LIPI: variants seen among roughly 807,000 people sequenced by gnomAD.
The protein encoded by LIPI is lipase I.
LIPI carries 59 observed loss-of-function variants against 50.6 expected under a neutral mutation model. The ratio of observed to expected loss-of-function variants is 1.16; its 90% CI spans 0.94 to 1.45. LIPI has a LOEUF of 1.45. Among genes scored for constraint, LIPI ranks in the 40% most tolerant of loss-of-function variants. The pLI is 0.00. For synonymous variants in LIPI, 203 were observed against 178.2 expected, an observed-to-expected ratio of 1.14 and a Z score of -1.11; for missense variants, 586 against 536.3, an observed-to-expected ratio of 1.09 and a Z score of -0.92.
chr21:14,163,648 A>G (rs1568860060), intron 6 of LIPI, 125 bp from the exon 7 acceptor site: 1 of 644,154 alleles, frequency 1.6e-6, no homozygotes, highest in African/African-American at 1.8e-5. Flanking sequence ...GATTTTGATA[A>G]CTTAAAAAGC....
At position 14,152,592 on chromosome 21, in the gene LIPI, C is replaced by T; in HGVS notation, c.1099G>A (p.Glu367Lys). ...ACTTACTCATAAAGCCTTGGCTCTTCAATCATTCCAAGCTGATTTAATAAT... is the reference window on the plus strand; with the variant it reads ...ACTTACTCATAAAGCCTTGGCTCTTTAATCATTCCAAGCTGATTTAATAAT... ...FKLLNQLGMI[E>K]EPRLYEKNKP... Residue 367 changes from glutamate (E) to lysine (K), a missense_variant, in exon 8 of 10, where the codon GAA becomes AAA. Glu to Lys is a moderately conservative substitution (Grantham distance 56). Coordinates refer to ENST00000681601, the MANE Select transcript of LIPI (RefSeq NM_001302998.2). 6.4e-7 allele frequency: 1 copy of T among 1,571,236 alleles called. No individual in the cohort carries two copies. The highest frequency in any genetic ancestry group is 1.1e-5 in the South Asian group (1 of 89,322).
At chr21:14,125,323 T>C in intron 9 of LIPI, among the ~76,000 whole-genome samples, 1 of 152,328 alleles carries the variant, frequency 6.6e-6, no homozygotes, top group South Asian at 2.1e-4. Context: ...TCTCATCTTC[T>C]ATGTGAAGTG....
At chr21:14,151,497 C>T (rs371714821) in intron 8 of LIPI, among the ~76,000 whole-genome samples, 2 of 152,168 alleles carry the variant, frequency 1.3e-5, no homozygotes, top group East Asian at 1.9e-4. Flanking sequence ...CCAGTCAAAA[C>T]TTAAGCCAAA....
At chr21:14,166,338 C>G (rs758764087) in intron 5 of LIPI, 24 bp downstream of exon 5, 2 of 1,211,102 alleles carry the variant, frequency 1.7e-6, no homozygotes, top group South Asian at 2.4e-5. Flanking sequence ...TTATGTAGTT[C>G]ATTCAAAAAT....
At chr21:14,208,278 G>A (rs1007335650) in intron 1 of LIPI, among the ~76,000 whole-genome samples, 10 of 152,292 alleles carry the variant, frequency 6.6e-5, no homozygotes, top group Non-Finnish European at 1.2e-4. Context: ...TCACCTGAGT[G>A]CTTAGTAGAA....
At chr21:14,137,788 C>T (rs112751615) in intron 9 of LIPI, among the ~76,000 whole-genome samples, 14 of 151,966 alleles carry the variant, frequency 9.2e-5, no homozygotes, top group African/African-American at 2.4e-4. Context: ...CAGATTTAAC[C>T]GAAAGACTAC....
At chr21:14,131,501 C>G (rs1026544873) in intron 9 of LIPI, among the ~76,000 whole-genome samples, 1 of 152,114 alleles carries the variant, frequency 6.6e-6, no homozygotes, top group African/African-American at 2.4e-5. Context: ...ATCACAGGCA[C>G]CCAAAATCAA....
intron 7 of LIPI, among the ~76,000 whole-genome samples, chr21:14,159,801 C>G (rs760345310): frequency 6.6e-5 from 10 of 151,282 alleles, no homozygotes; most frequent in Admixed American, 2.0e-4. Context: ...TCCCAGGAAA[C>G]AAATTCAACA....
At chr21:14,154,990 GC>G (rs2018225446) in intron 7 of LIPI, among the ~76,000 whole-genome samples, 1 of 151,938 alleles carries the variant, frequency 6.6e-6, no homozygotes, top group Non-Finnish European at 1.5e-5. Flanking sequence ...TAAATTAGAT[GC>G]TGAGATTATC....
At chr21:14,135,255 G>C (rs183601399) in intron 9 of LIPI, among the ~76,000 whole-genome samples, 116 of 152,280 alleles carry the variant, frequency 7.6e-4, no homozygotes, top group African/African-American at 2.5e-3. Flanking sequence ...GGCAGGGCAA[G>C]ATGGTGGAAT....
In LIPI at chr21:14,206,762, C is replaced by T. The variant is rs977987750; in HGVS notation, c.46+4038G>A. 3.7e-6 allele frequency: 4 copies of T among 1,075,078 alleles called. No homozygotes were observed. In the African/African-American group the frequency reaches 4.7e-5, roughly 13 times the overall value. 66.6% of individuals were successfully genotyped at this position (1,075,078 alleles called of 1,614,324 possible). A position where few individuals can be genotyped will look rare whatever the true frequency, so the allele number is the denominator to read the frequency against. On this transcript the variant is annotated intron_variant, in intron 1 of 9. Coordinates refer to ENST00000681601, the MANE Select transcript of LIPI (RefSeq NM_001302998.2). ...GCAAGCCCAGTGTTGTTTTATATTT[C>T]CTCTTCTTTTCTTCATTTTATATAT...
intron 9 of LIPI, among the ~76,000 whole-genome samples, chr21:14,142,605 CCTT>C (rs1424321998): frequency 6.6e-6 from 1 of 151,332 alleles, no homozygotes; most frequent in Non-Finnish European, 1.5e-5. Context: ...ACCTCAGCCT[CCTT>C]AGCAGCTGGG....
intron 7 of LIPI, among the ~76,000 whole-genome samples, chr21:14,158,143 A>C (rs2018335865): frequency 6.6e-6 from 1 of 151,812 alleles, no homozygotes; most frequent in African/African-American, 2.4e-5. Context: ...ATACCCAAAA[A>C]AGCAGAATAC....
At position 14,156,367 on chromosome 21, in the gene LIPI, G is replaced by T. The variant is rs539004638; in HGVS notation, c.1007-3683C>A. ...GAAACAGAGATGTCGTGCAGAAAAA[G>T]GGTCAAAATGATATAATATGAAGAC... On this transcript the variant is annotated intron_variant, in intron 7 of 9. Coordinates refer to ENST00000681601, the MANE Select transcript of LIPI (RefSeq NM_001302998.2). 4.0e-5 allele frequency among the ~76,000 whole-genome samples: 6 copies of T among 151,862 alleles called. No homozygotes were observed. In the South Asian group the frequency reaches 1.2e-3, roughly 32 times the overall value.
intron 2 of LIPI, among the ~76,000 whole-genome samples, chr21:14,187,925 C>T (rs1270835173): frequency 6.6e-6 from 1 of 152,112 alleles, no homozygotes; most frequent in East Asian, 1.9e-4. Flanking sequence ...AAAAGATGGA[C>T]ATACAGTTTG....
chr21:14,204,857 T>G (rs1228972277), intron 1 of LIPI, among the ~76,000 whole-genome samples: 4 of 151,880 alleles, frequency 2.6e-5, no homozygotes, highest in Admixed American at 2.0e-4. Context: ...AGAATAATTT[T>G]TCAGCATAAA....
chr21:14,136,979 A>C (rs1276939441), intron 9 of LIPI, among the ~76,000 whole-genome samples: 1 of 152,112 alleles, frequency 6.6e-6, no homozygotes, highest in East Asian at 1.9e-4. Flanking sequence ...TCAAGGTGGT[A>C]CCTCTATGAG....
intron 9 of LIPI, among the ~76,000 whole-genome samples, chr21:14,141,381 T>C (rs2017700475): frequency 3.6e-5 from 2 of 56,074 alleles, no homozygotes; most frequent in South Asian, 4.9e-4. Context: ...CAAATAACTT[T>C]AGTTGTTTTT....
intron 9 of LIPI, among the ~76,000 whole-genome samples, chr21:14,110,758 ACT>A (rs2016373709): frequency 6.6e-6 from 1 of 151,746 alleles, no homozygotes; most frequent in Non-Finnish European, 1.5e-5. Context: ...GGCTTATTAT[ACT>A]TAACATAATG....
Sources: allele counts gnomAD v4.1 joint callset (sites outside exome capture counted in the v4.1 genomes callset), GRCh38; gene constraint gnomAD v4.1.1; transcripts MANE v1.5; gene names NCBI Gene and HGNC (gene_info 2026-07-23, HGNC 2026-07-21).